Variants in NBAS observed in about 807,000 individuals in gnomAD.
NBAS encodes the protein NBAS subunit of NRZ tethering complex.
A neutral mutation model predicts 302.5 loss-of-function variants in NBAS; 219 were observed. The ratio of observed to expected loss-of-function variants is 0.72; its 90% CI spans 0.65 to 0.81. The LOEUF (loss-of-function observed/expected upper bound fraction) is 0.81, where lower values mean the gene tolerates loss of function less well. Among genes scored for constraint, NBAS ranks in the 30% least tolerant of loss-of-function variants. The probability of loss-of-function intolerance (pLI) is 0.00; values close to 1 mark genes in which losing one functional copy is unlikely to be tolerated. For missense variants in NBAS, 2,932 were observed against 2,841.6 expected, an observed-to-expected ratio of 1.03 and a Z score of -0.72; for synonymous variants, 1,118 against 1,021.6, an observed-to-expected ratio of 1.09 and a Z score of -1.80.
At chr2:14,848,823 C>A in the NBAS span, among the ~76,000 whole-genome samples, 1 of 151,804 alleles carries the variant, frequency 6.6e-6, no homozygotes, top group African/African-American at 2.4e-5. Context: ...CACACTGACA[C>A]CTCACACGGC....
Position 15,461,718 on chromosome 2 carries a change from T to A in NBAS, c.2171A>T (p.Asn724Ile), listed in dbSNP as rs1355547408. ...AEFFKKFRNQ[N>I]IVLSARTYAQ... ...ATAAGTTCTTGCTGAGAGAACAATA[T>A]TCTGATTTCTGAATTTCTTAAAGAA... Residue 724 changes from asparagine to isoleucine, a missense_variant, in exon 20 of 52, where the codon AAT becomes ATT. Coordinates refer to ENST00000281513, the MANE Select transcript of NBAS (RefSeq NM_015909.4). 1.2e-6 allele frequency: 2 copies of A among 1,605,300 alleles called. No homozygotes were observed. The highest frequency in any genetic ancestry group is 1.7e-6 in the Non-Finnish European group (2 of 1,173,140).
intron 44 of NBAS, among the ~76,000 whole-genome samples, chr2:15,255,527 C>T (rs1450536057): frequency 6.6e-6 from 1 of 152,082 alleles, no homozygotes; most frequent in Non-Finnish European, 1.5e-5. Context: ...AGTAGCTGAT[C>T]ATTTCTTTTG....
intron 5 of NBAS, 152 bp from the exon 6 acceptor site, chr2:15,551,688 T>C (rs1664393520): frequency 3.4e-6 from 2 of 589,956 alleles, no homozygotes; most frequent in East Asian, 2.8e-5. Context: ...ATGACCCTTT[T>C]GTCAGTGACA....
At chr2:15,123,708 AT>A in the NBAS span, among the ~76,000 whole-genome samples, 1 of 152,042 alleles carries the variant, frequency 6.6e-6, no homozygotes, top group Admixed American at 6.5e-5. Context: ...TTCTACTATA[AT>A]TGCAAGCTTC....
the NBAS span, among the ~76,000 whole-genome samples, chr2:15,112,437 C>T: frequency 5.9e-5 from 9 of 151,894 alleles, no homozygotes; most frequent in South Asian, 2.1e-4. Flanking sequence ...ATCCAACATA[C>T]GTATAATGGG....
intron 11 of NBAS, 32 bp from the exon 12 acceptor site, chr2:15,489,054 A>C: frequency 1.9e-6 from 3 of 1,609,808 alleles, no homozygotes; most frequent in Non-Finnish European, 2.5e-6. Context: ...AGGGCAAAGG[A>C]CTTATGGTCA....
chr2:15,136,237 T>A, the NBAS span, among the ~76,000 whole-genome samples: 2 of 152,204 alleles, frequency 1.3e-5, no homozygotes, highest in African/African-American at 4.8e-5. Context: ...CAGCTGTTCA[T>A]GAGAGTGTAT....
At chr2:15,392,767 C>T (rs1675671862) in intron 28 of NBAS, among the ~76,000 whole-genome samples, 1 of 151,744 alleles carries the variant, frequency 6.6e-6, no homozygotes, top group African/African-American at 2.4e-5. Context: ...TAAGCTTATT[C>T]TAAAATGCAT....
chr2:14,784,033 T>A, the NBAS span, among the ~76,000 whole-genome samples: 1 of 152,158 alleles, frequency 6.6e-6, no homozygotes, highest in East Asian at 1.9e-4. Flanking sequence ...TGAGATGGTA[T>A]CTCATTGTAG....
intron 50 of NBAS, among the ~76,000 whole-genome samples, chr2:15,181,758 T>C (rs1485375399): frequency 6.6e-6 from 1 of 152,210 alleles, no homozygotes; most frequent in Admixed American, 6.5e-5. Context: ...CTGACAGTCA[T>C]GAGAGAAGCA....
chr2:15,219,183 C>A (rs1666802380), intron 47 of NBAS, among the ~76,000 whole-genome samples: 1 of 152,060 alleles, frequency 6.6e-6, no homozygotes, highest in African/African-American at 2.4e-5. Context: ...AAAACAGTAT[C>A]ATATTAAAAT....
At chr2:15,553,510 T>A (rs1664480352) in intron 4 of NBAS, 37 bp from the exon 5 acceptor site, 2 of 1,533,704 alleles carry the variant, frequency 1.3e-6, no homozygotes, top group African/African-American at 2.7e-5. Context: ...GAAAATCTAT[T>A]ATGAATATCT....
chr2:15,053,249 C>A, the NBAS span, among the ~76,000 whole-genome samples: 1 of 152,118 alleles, frequency 6.6e-6, no homozygotes, highest in Non-Finnish European at 1.5e-5. Flanking sequence ...GGACAACAAA[C>A]AAATGATCTG....
rs1018138365 is a variant in NBAS at position 15,504,298 on chromosome 2, A to G, written c.886-85T>C. 4.7e-6 allele frequency: 5 copies of G among 1,066,354 alleles called. No homozygotes were observed. The African/African-American group carries it at 7.9e-5, about 17-fold the overall frequency. 66.1% of individuals were successfully genotyped at this position (1,066,354 alleles called of 1,614,324 possible). Reference sequence around the variant, plus strand: ...GTCCCTTTATAATGAAATGAAAACTATAGCAAATCTAGTATTTTTTTAATT... The same window carrying G: ...GTCCCTTTATAATGAAATGAAAACTGTAGCAAATCTAGTATTTTTTTAATT... On this transcript the variant is annotated intron_variant, in intron 10 of 51. Transcript: ENST00000281513.
intron 32 of NBAS, among the ~76,000 whole-genome samples, chr2:15,365,743 T>C (rs1251070563): frequency 6.6e-6 from 1 of 152,168 alleles, no homozygotes; most frequent in Non-Finnish European, 1.5e-5. Flanking sequence ...TCCTACATAA[T>C]ACAATTTTAA....
At chr2:14,834,358 T>C in the NBAS span, among the ~76,000 whole-genome samples, 2 of 152,188 alleles carry the variant, frequency 1.3e-5, no homozygotes, top group African/African-American at 2.4e-5. Flanking sequence ...GCACCTATGT[T>C]TGTGGCATTG....
At chr2:15,171,714 T>C (rs1340574208) in intron 51 of NBAS, among the ~76,000 whole-genome samples, 1 of 152,196 alleles carries the variant, frequency 6.6e-6, no homozygotes, top group East Asian at 1.9e-4. Context: ...ACAATGTGAC[T>C]TTATTTACAG....
chr2:15,528,364 T>C (rs1359590341), intron 9 of NBAS, among the ~76,000 whole-genome samples: 1 of 148,882 alleles, frequency 6.7e-6, no homozygotes, highest in Admixed American at 6.7e-5. Flanking sequence ...TTTTAATATA[T>C]TTTTATATAT....
intron 25 of NBAS, among the ~76,000 whole-genome samples, chr2:15,411,356 C>A (rs942596999): frequency 6.6e-6 from 1 of 152,082 alleles, no homozygotes; most frequent in African/African-American, 2.4e-5. Flanking sequence ...AACTTCTACC[C>A]CTCTCTTCAC....
Sources: gnomAD v4.1 joint callset for allele counts (sites outside exome capture counted in the v4.1 genomes callset) on GRCh38, gnomAD v4.1.1 for gene constraint, MANE v1.5 for transcripts, NCBI Gene and HGNC (gene_info 2026-07-23, HGNC 2026-07-21) for gene names.